DOCK3: variants seen among roughly 807,000 people sequenced by gnomAD.
DOCK3 encodes dedicator of cytokinesis 3.
A neutral mutation model predicts 265.6 loss-of-function variants in DOCK3; 60 were observed. That is an observed-to-expected ratio of 0.23 (90% CI 0.18 to 0.28). DOCK3 has a LOEUF of 0.28. Ranked by LOEUF, DOCK3 falls within the 10% of genes least tolerant of loss-of-function variation. The pLI is 1.00. For synonymous variants in DOCK3, 881 were observed against 938.0 expected (o/e 0.94, Z 1.11); for missense variants, 1,981 against 2,594.3 (o/e 0.76, Z 5.14).
At chr3:51,195,834 G>A (rs542385326) in intron 12 of DOCK3, among the ~76,000 whole-genome samples, 4 of 152,234 alleles carry the variant, frequency 2.6e-5, no homozygotes, top group African/African-American at 9.6e-5. Flanking sequence ...GTATTTGCTT[G>A]TCTGGAAAAG....
At chr3:51,349,706 G>A (rs2085848155) in intron 39 of DOCK3, among the ~76,000 whole-genome samples, 1 of 152,212 alleles carries the variant, frequency 6.6e-6, no homozygotes, top group South Asian at 2.1e-4. Context: ...TGGAATGCTA[G>A]ACATCATGGA....
intron 12 of DOCK3, among the ~76,000 whole-genome samples, chr3:51,193,518 AATTTGGCTGTGTATCC>A (rs1237894726): frequency 1.3e-5 from 2 of 152,130 alleles, no homozygotes; most frequent in East Asian, 3.8e-4. Flanking sequence ...CGTTTGGTAG[AATTTGGCTGTGTATCC>A]ATCTGGTCCT....
chr3:50,982,687 G>A (rs2077737213), intron 5 of DOCK3, among the ~76,000 whole-genome samples: 1 of 152,232 alleles, frequency 6.6e-6, no homozygotes, highest in African/African-American at 2.4e-5. Flanking sequence ...CCAGGGACAA[G>A]TGGGAGCTCC....
At chr3:51,091,315 G>T (rs1452051596) in intron 9 of DOCK3, among the ~76,000 whole-genome samples, 3 of 152,142 alleles carry the variant, frequency 2.0e-5, no homozygotes, top group African/African-American at 7.2e-5. Flanking sequence ...GTGAGAGTGT[G>T]TATGTGTGTG....
chr3:50,758,197 G>GA (rs1010803092), intron 1 of DOCK3, among the ~76,000 whole-genome samples: 3 of 50,320 alleles, frequency 6.0e-5, no homozygotes, highest in African/African-American at 2.2e-4. Context: ...AAAAAAAAAA[G>GA]AAAAAAAAAA....
chr3:51,315,222 G>C (rs767441548), intron 32 of DOCK3, 94 bp downstream of exon 32: 38 of 1,416,726 alleles, frequency 2.7e-5, no homozygotes, highest in Non-Finnish European at 3.4e-5. Context: ...TTCTAGTGGG[G>C]ATGGGCTGTA....
chr3:50,927,064 C>G (rs2050793246), intron 4 of DOCK3, among the ~76,000 whole-genome samples: 1 of 152,232 alleles, frequency 6.6e-6, no homozygotes, highest in Non-Finnish European at 1.5e-5. Context: ...CTGTAACCTT[C>G]AGTGACACTG....
intron 5 of DOCK3, among the ~76,000 whole-genome samples, chr3:51,037,143 A>G (rs2080300781): frequency 6.6e-6 from 1 of 152,170 alleles, no homozygotes; most frequent in Admixed American, 6.6e-5. Flanking sequence ...TAAAATATAC[A>G]TAGAGCAGAG....
intron 10 of DOCK3, among the ~76,000 whole-genome samples, chr3:51,152,206 T>C (rs2085635606): frequency 1.3e-5 from 2 of 152,198 alleles, no homozygotes; most frequent in Admixed American, 6.5e-5. Flanking sequence ...ACTTTTTTTT[T>C]CTCTAAACTT....
intron 49 of DOCK3, among the ~76,000 whole-genome samples, chr3:51,371,288 G>C (rs1006880753): frequency 1.3e-5 from 2 of 152,148 alleles, no homozygotes; most frequent in African/African-American, 4.8e-5. Flanking sequence ...CCCTTTTGGG[G>C]GTAAACATTA....
chr3:51,116,191 C>A (rs1305889788), intron 9 of DOCK3, among the ~76,000 whole-genome samples: 28 of 151,890 alleles, frequency 1.8e-4, no homozygotes, highest in Admixed American at 1.8e-3. Flanking sequence ...GTGGCTCATG[C>A]CTGTAATCCT....
At chr3:50,887,811 A>G (rs1386188882) in intron 3 of DOCK3, among the ~76,000 whole-genome samples, 2 of 149,262 alleles carry the variant, frequency 1.3e-5, no homozygotes, top group African/African-American at 5.0e-5. Context: ...ATAAAATTCT[A>G]CACCCCTTTA....
chr3:50,778,336 T>G (rs2041726801), intron 1 of DOCK3, among the ~76,000 whole-genome samples: 1 of 152,140 alleles, frequency 6.6e-6, no homozygotes, highest in Non-Finnish European at 1.5e-5. Flanking sequence ...TAATATTATT[T>G]TTTTCTTAAG....
intron 2 of DOCK3, among the ~76,000 whole-genome samples, chr3:50,809,552 A>G (rs2043620032): frequency 6.6e-6 from 1 of 152,192 alleles, no homozygotes; most frequent in African/African-American, 2.4e-5. Flanking sequence ...ATAATTTAAC[A>G]ATTCTACTCA....
rs528289068 is a variant in DOCK3, at chr3:50,695,634, C to G, written c.37+20334C>G. Among the ~76,000 whole-genome samples the G allele has an allele frequency of 5.9e-5, 9 of 152,180 alleles. No homozygotes were observed. In the South Asian group the frequency reaches 1.7e-3, roughly 28 times the overall value. On this transcript the variant is annotated intron_variant, in intron 1 of 52. Transcript: ENST00000266037. Reference sequence around the variant, plus strand: ...AAAGAGACTCAAAGAGCGCTAAGCACAAATCTGTGGAACTTTGGAATGCGA... The same window carrying G: ...AAAGAGACTCAAAGAGCGCTAAGCAGAAATCTGTGGAACTTTGGAATGCGA...
chr3:51,150,032 A>G (rs540771032), intron 10 of DOCK3, among the ~76,000 whole-genome samples: 2 of 152,290 alleles, frequency 1.3e-5, no homozygotes, highest in East Asian at 1.9e-4. Context: ...TTATTGGTCT[A>G]TTCAGGGATT....
At chr3:50,979,707 A>G (rs1428695575) in intron 5 of DOCK3, among the ~76,000 whole-genome samples, 1 of 152,228 alleles carries the variant, frequency 6.6e-6, no homozygotes, top group Admixed American at 6.5e-5. Flanking sequence ...GTATACATTT[A>G]TGGCAACAGA....
chr3:51,305,196 T>G (rs1309224169), intron 27 of DOCK3, among the ~76,000 whole-genome samples: 1 of 152,218 alleles, frequency 6.6e-6, no homozygotes, highest in East Asian at 1.9e-4. Context: ...TACTATTACT[T>G]TCCATTCTGT....
chr3:50,791,110 A>G (rs372634298), intron 2 of DOCK3, among the ~76,000 whole-genome samples: 1 of 152,046 alleles, frequency 6.6e-6, no homozygotes, highest in African/African-American at 2.4e-5. Flanking sequence ...CCTAAGTTTA[A>G]TAAGATCCCA....
Sources: gnomAD v4.1 joint callset for allele counts (sites outside exome capture counted in the v4.1 genomes callset) on GRCh38, gnomAD v4.1.1 for gene constraint, MANE v1.5 for transcripts, NCBI Gene and HGNC (gene_info 2026-07-23, HGNC 2026-07-21) for gene names.